CA6: variants seen among roughly 807,000 people sequenced by gnomAD.
CA6 encodes the protein carbonic anhydrase 6.
A neutral mutation model predicts 35.9 loss-of-function variants in CA6; 28 were observed. The observed-to-expected ratio is 0.78, with a 90% CI of 0.58 to 1.07. The LOEUF (loss-of-function observed/expected upper bound fraction) is 1.07, where lower values mean the gene tolerates loss of function less well. Ranked by LOEUF, CA6 falls within the 50% of genes least tolerant of loss-of-function variation. The pLI, the probability that CA6 is intolerant of heterozygous loss-of-function variation, is 0.00. For missense variants in CA6, 377 were observed against 382.0 expected, an observed-to-expected ratio of 0.99 and a Z score of 0.11; for synonymous variants, 148 against 152.6, an observed-to-expected ratio of 0.97 and a Z score of 0.22.
rs1639459784 is a variant in CA6 at position 8,949,377 on chromosome 1, G to A, written c.194G>A (p.Gly65Glu). ...TKVRYNPSLK[G>E]LNMTGYETQA... ...GTGCGGTACAACCCCTCCTTGAAGG[G>A]GCTCAATATGACAGGCTATGAGACC... The change falls in exon 2 of 8, where the codon GGG (glycine) becomes GAG (glutamate). Residue 65 changes from glycine to glutamate, a missense_variant. Physicochemically the swap from Gly to Glu is moderately conservative, Grantham distance 98. Coordinates refer to ENST00000377443, the MANE Select transcript of CA6 (RefSeq NM_001215.4). 3 of 1,613,514 alleles carry A rather than the reference G, an allele frequency of 1.9e-6. No homozygotes were observed. Among genetic ancestry groups the A allele is most frequent in the African/African-American group, 1.3e-5 (1 of 74,916 alleles).
Position 8,970,922 on chromosome 1 carries a change from A to C in CA6, c.785A>C (p.Asp262Ala), listed in dbSNP as rs1384908978. The change falls in exon 7 of 8, where the codon GAT becomes GCT. Residue 262 changes from aspartate to alanine, a missense_variant. By Grantham distance (126) the Asp-to-Ala change is moderately radical. Coordinates refer to ENST00000377443, the MANE Select transcript of CA6 (RefSeq NM_001215.4). Reference sequence around the variant, plus strand: ...CACCGCAACAAGACCATCCACAACGATTACCGCAGGACCCAGCCCCTGAAC... The same window carrying C: ...CACCGCAACAAGACCATCCACAACGCTTACCGCAGGACCCAGCCCCTGAAC... ...LDHRNKTIHN[D>A]YRRTQPLNHR... is the part of the protein sequence containing the mutation. 8.1e-6 allele frequency: 13 copies of C among 1,614,012 alleles called. No homozygotes were observed. Among genetic ancestry groups the C allele is most frequent in the Non-Finnish European group, 1.1e-5 (13 of 1,180,000 alleles).
chr1:8,966,864 C>T (rs1639980783), intron 5 of CA6, among the ~76,000 whole-genome samples: 1 of 152,112 alleles, frequency 6.6e-6, no homozygotes, highest in Admixed American at 6.6e-5. Flanking sequence ...TGGCCCCACC[C>T]TACGCCCCAC....
At chr1:8,955,503 G>A (rs1023565945) in intron 2 of CA6, among the ~76,000 whole-genome samples, 5 of 151,692 alleles carry the variant, frequency 3.3e-5, no homozygotes, top group Admixed American at 1.3e-4. Context: ...TGTGTTTTGG[G>A]GAAATTGTGA....
chr1:8,958,525 T>C (rs984643850), intron 3 of CA6, among the ~76,000 whole-genome samples: 1 of 152,188 alleles, frequency 6.6e-6, no homozygotes, highest in East Asian at 1.9e-4. Context: ...GATGACTACA[T>C]GTTAACAATG....
intron 4 of CA6, among the ~76,000 whole-genome samples, chr1:8,961,402 C>T (rs530865468): frequency 1.2e-4 from 18 of 152,162 alleles, no homozygotes; most frequent in Admixed American, 2.0e-4. Context: ...AGATATAATG[C>T]ATATGACAAA....
intron 5 of CA6, among the ~76,000 whole-genome samples, chr1:8,964,806 G>C (rs547619836): frequency 1.1e-4 from 16 of 152,208 alleles, no homozygotes; most frequent in African/African-American, 3.9e-4. Flanking sequence ...TCTTCTTCTC[G>C]TCTTAGTTTA....
At chr1:8,949,541 C>A (rs572601668) in intron 2 of CA6, 99 bp downstream of exon 2, 2 of 1,049,008 alleles carry the variant, frequency 1.9e-6, no homozygotes, top group Non-Finnish European at 2.8e-6. Context: ...CACAGAGACA[C>A]AGAGCACGGC....
At chr1:8,947,008 T>C (rs1639383664) in intron 1 of CA6, among the ~76,000 whole-genome samples, 1 of 151,992 alleles carries the variant, frequency 6.6e-6, no homozygotes, top group Non-Finnish European at 1.5e-5. Context: ...TTTACCACGT[T>C]GGCCAGGCTG....
At chr1:8,972,244 T>C (rs1640128059) in intron 7 of CA6, among the ~76,000 whole-genome samples, 1 of 151,952 alleles carries the variant, frequency 6.6e-6, no homozygotes, top group Non-Finnish European at 1.5e-5. Flanking sequence ...AGAGATGGAC[T>C]CTTACTATGT....
Position 8,957,110 on chromosome 1 carries a change from G to C in CA6, c.260-27G>C, listed in dbSNP as rs562192462. On this transcript the variant is annotated intron_variant, in intron 2 of 7. Coordinates refer to ENST00000377443, the MANE Select transcript of CA6 (RefSeq NM_001215.4). ...TGACCCCTCTGTGTTCACCTACTCT[G>C]CTCTCAGCCCCACCTTGTCTCTCCA... 5 of 1,574,638 alleles carry C rather than the reference G, an allele frequency of 3.2e-6. No individual in the cohort carries two copies. In the South Asian group the frequency reaches 5.8e-5, roughly 18 times the overall value.
At chr1:8,958,676 G>C (rs538219959) in intron 3 of CA6, among the ~76,000 whole-genome samples, 23 of 152,274 alleles carry the variant, frequency 1.5e-4, no homozygotes, top group Non-Finnish European at 3.1e-4. Context: ...AAATGGCCTC[G>C]AACTGCCATC....
chr1:8,972,049 CT>C (rs965657789), intron 7 of CA6, among the ~76,000 whole-genome samples: 7 of 151,608 alleles, frequency 4.6e-5, no homozygotes, highest in South Asian at 2.1e-4. Context: ...TATTATCCCA[CT>C]TTTTTTTTCT....
chr1:8,973,528 T>C (rs1183134415), intron 7 of CA6, among the ~76,000 whole-genome samples: 2 of 152,186 alleles, frequency 1.3e-5, no homozygotes, highest in Non-Finnish European at 2.9e-5. Context: ...CATGCTGTGA[T>C]TTGTCTGTAG....
chr1:8,974,476 T>TG, intron 7 of CA6, 146 bp from the exon 8 acceptor site: 5 of 1,494,866 alleles, frequency 3.3e-6, no homozygotes, highest in Non-Finnish European at 4.5e-6. Flanking sequence ...CTAAAGGCAA[T>TG]GCACCGGGCA....
chr1:8,968,531 C>A (rs1461937378), intron 6 of CA6, among the ~76,000 whole-genome samples: 1 of 151,874 alleles, frequency 6.6e-6, no homozygotes, highest in African/African-American at 2.4e-5. Context: ...TGAGAACCAG[C>A]AGAATCAGAC....
intron 7 of CA6, among the ~76,000 whole-genome samples, chr1:8,971,528 C>T (rs139589405): frequency 6.6e-6 from 1 of 152,014 alleles, no homozygotes; most frequent in East Asian, 1.9e-4. Context: ...CCAGGCTGGT[C>T]CCAAACTCCT....
chr1:8,974,493 G>A (rs1171116509), intron 7 of CA6, 129 bp from the exon 8 acceptor site: 4 of 1,472,966 alleles, frequency 2.7e-6, no homozygotes, highest in Non-Finnish European at 2.7e-6. Flanking sequence ...GGCACGTGGA[G>A]AGCATTCTAA....
chr1:8,946,047 T>TCTG, intron 1 of CA6, 82 bp downstream of exon 1: 1 of 884,842 alleles, frequency 1.1e-6, no homozygotes, highest in Non-Finnish European at 1.8e-6. Flanking sequence ...TTCTTCTTTT[T>TCTG]TTTTTTTTTA....
At position 8,945,929 on chromosome 1, in the gene CA6, G is replaced by A; in HGVS notation, c.43G>A (p.Gly15Ser). The stretch of plus-strand genomic sequence containing the variant: ...TCTGCTGTCCCTGTTCCTGCTGGGT[G>A]GCCAGGCCCAGCATGTGTCTGACTG... ...VLLLSLFLLGGQAQHVSDWTY... is the reference protein window; with the variant it reads ...VLLLSLFLLGSQAQHVSDWTY... The change falls in exon 1 of 8, where the codon GGC becomes AGC. Residue 15 changes from glycine to serine, a missense_variant. Gly to Ser is a moderately conservative substitution (Grantham distance 56, BLOSUM62 0). Coordinates refer to ENST00000377443, the MANE Select transcript of CA6 (RefSeq NM_001215.4). 1.2e-6 allele frequency: 2 copies of A among 1,613,678 alleles called. No individual in the cohort carries two copies. The highest frequency in any genetic ancestry group is 1.7e-6 in the Non-Finnish European group (2 of 1,179,626).
Sources: allele counts gnomAD v4.1 joint callset (sites outside exome capture counted in the v4.1 genomes callset), GRCh38; gene constraint gnomAD v4.1.1; transcripts MANE v1.5; gene names NCBI Gene and HGNC (gene_info 2026-07-23, HGNC 2026-07-21).